The following OPHN1 variants were observed in gnomAD, a reference collection of about 807,000 sequenced individuals.
OPHN1 encodes oligophrenin 1.
Under a neutral mutation model 60.7 loss-of-function variants are expected in OPHN1, and 11 were observed. The observed-to-expected ratio is 0.18, with a 90% CI of 0.11 to 0.30. The LOEUF is 0.30. Ranked by LOEUF, OPHN1 falls within the 10% of genes least tolerant of loss-of-function variation. The pLI is 1.00. For synonymous variants in OPHN1, 226 were observed against 222.6 expected (o/e 1.02, Z -0.14); for missense variants, 449 against 611.0 (o/e 0.73, Z 2.80).
chrX:68,131,489 T>G (rs1250008437), intron 15 of OPHN1, among the ~76,000 whole-genome samples: 9 of 111,556 alleles, frequency 8.1e-5, no homozygotes. Context: ...GTGCCGGGAT[T>G]ACAGGCATAA....
chrX:68,416,110 A>ATT (rs2078797866), intron 2 of OPHN1, among the ~76,000 whole-genome samples: 1 of 91,344 alleles, frequency 1.1e-5, no homozygotes, highest in African/African-American at 4.5e-5. Flanking sequence ...AGAGAGAGAG[A>ATT]GCGCTCACTG....
At position 68,222,650 on chromosome X, in the gene OPHN1, T is replaced by C. The variant is rs759892185; in HGVS notation, c.487-8678A>G. On this transcript the variant is annotated intron_variant, in intron 6 of 24. Coordinates refer to ENST00000355520, the MANE Select transcript of OPHN1 (RefSeq NM_002547.3). ...GTAGGGACATGGATGAAATTGGAAA[T>C]CATCATTCTCAGTAAACTATCGCAA... is the stretch of plus-strand genomic sequence containing the variant. Among the ~76,000 whole-genome samples the C allele has an allele frequency of 5.1e-3, 542 of 106,783 alleles. 3 individuals carry two copies. The highest frequency in any genetic ancestry group is 0.018 in the African/African-American group (517 of 29,352). 92.7% of individuals were successfully genotyped at this position (106,783 alleles called of 115,157 possible). A position where few individuals can be genotyped will look rare whatever the true frequency, so the allele number is the denominator to read the frequency against.
intron 21 of OPHN1, among the ~76,000 whole-genome samples, chrX:68,063,531 A>T (rs5919516): frequency 9.0e-6 from 1 of 111,412 alleles, no homozygotes; most frequent in Non-Finnish European, 1.9e-5. Context: ...AAAAAAAAAA[A>T]AAAAGAAAAT....
chrX:68,047,371 T>C (rs1286494663), intron 24 of OPHN1, among the ~76,000 whole-genome samples: 1 of 111,519 alleles, frequency 9.0e-6, no homozygotes, highest in African/African-American at 3.3e-5. Context: ...GCTGGACACT[T>C]TGTGCCTTTG....
At chrX:68,154,536 T>C (rs1291817163) in intron 15 of OPHN1, among the ~76,000 whole-genome samples, 2 of 112,335 alleles carry the variant, frequency 1.8e-5, no homozygotes, top group Admixed American at 1.9e-4. Context: ...AGAATGCAAA[T>C]ACCGGGATCA....
intron 18 of OPHN1, among the ~76,000 whole-genome samples, chrX:68,106,812 T>C (rs2077083779): frequency 8.9e-6 from 1 of 111,971 alleles, no homozygotes; most frequent in Non-Finnish European, 1.9e-5. Flanking sequence ...GATAATTATG[T>C]GCATTTTAAA....
At chrX:68,052,516 T>C in intron 23 of OPHN1, 24 bp downstream of exon 23, 1 of 1,195,546 alleles carries the variant, frequency 8.4e-7, no homozygotes, top group Non-Finnish European at 1.1e-6. Context: ...ATTTGGTTTT[T>C]CTTTTGTCAC....
At chrX:68,364,229 T>G (rs1325149050) in intron 2 of OPHN1, among the ~76,000 whole-genome samples, 1 of 112,091 alleles carries the variant, frequency 8.9e-6, no homozygotes, top group Non-Finnish European at 1.9e-5. Flanking sequence ...TTCCTGTTCC[T>G]TCAGCCCAAC....
At chrX:68,231,813 C>T (rs894504575) in intron 6 of OPHN1, among the ~76,000 whole-genome samples, 1 of 111,432 alleles carries the variant, frequency 9.0e-6, no homozygotes, top group African/African-American at 3.3e-5. Flanking sequence ...GGGATAAAGT[C>T]CAGGGATGTT....
chrX:68,261,661 A>C (rs1214110359), intron 5 of OPHN1, among the ~76,000 whole-genome samples: 1 of 111,528 alleles, frequency 9.0e-6, no homozygotes, highest in Admixed American at 9.6e-5. Context: ...TGGCTGCTCA[A>C]AGAACTTTAA....
chrX:68,338,018 TTTTA>T (rs1361507012), intron 2 of OPHN1, among the ~76,000 whole-genome samples: 2 of 111,388 alleles, frequency 1.8e-5, no homozygotes, highest in East Asian at 2.8e-4. Flanking sequence ...CTTTCTTTTT[TTTTA>T]TTTATTTATT....
intron 3 of OPHN1, among the ~76,000 whole-genome samples, chrX:68,295,107 T>C (rs2078088327): frequency 8.9e-6 from 1 of 111,781 alleles, no homozygotes; most frequent in African/African-American, 3.3e-5. Flanking sequence ...AAATTCTGAT[T>C]CTTTAGGTAT....
chrX:68,172,215 AC>A (rs1424235449), intron 15 of OPHN1, among the ~76,000 whole-genome samples: 2 of 112,101 alleles, frequency 1.8e-5, no homozygotes, highest in African/African-American at 6.5e-5. Context: ...ACTACAAATA[AC>A]CCAAATGCTC....
chrX:68,141,903 T>TGAAAGAAAGAAA (rs1569224287), intron 15 of OPHN1, among the ~76,000 whole-genome samples: 3 of 75,353 alleles, frequency 4.0e-5, no homozygotes, highest in African/African-American at 1.0e-4. Context: ...GTGATGTTAA[T>TGAAAGAAAGAAA]TAAAGAAAGA....
intron 20 of OPHN1, among the ~76,000 whole-genome samples, chrX:68,065,464 T>C (rs1294158944): frequency 1.8e-5 from 2 of 111,651 alleles, no homozygotes; most frequent in Non-Finnish European, 3.8e-5. Context: ...TAAGACTTGA[T>C]ATATGTTTTT....
intron 5 of OPHN1, 149 bp downstream of exon 5, chrX:68,274,589 A>G: frequency 2.5e-6 from 1 of 400,108 alleles, no homozygotes; most frequent in Non-Finnish European, 4.5e-6. Flanking sequence ...TAAACAACAA[A>G]CATTTATTTT....
chrX:68,129,849 C>G (rs886268073), intron 15 of OPHN1, among the ~76,000 whole-genome samples: 1 of 111,931 alleles, frequency 8.9e-6, no homozygotes, highest in Non-Finnish European at 1.9e-5. Flanking sequence ...TAACAGAAAG[C>G]GTGAGCAGAA....
chrX:68,375,576 C>T (rs868694267), intron 2 of OPHN1, among the ~76,000 whole-genome samples: 3 of 111,020 alleles, frequency 2.7e-5, no homozygotes, highest in African/African-American at 3.3e-5. Context: ...GAACTGTCTC[C>T]GCTTTTTCTT....
chrX:68,433,729 A>C (rs903299734), upstream of OPHN1: 4 of 295,999 alleles, frequency 1.4e-5, no homozygotes, highest in African/African-American at 2.7e-5. Context: ...GGAAGGGTTA[A>C]GCCAGGGCGG....
Sources: gnomAD v4.1 joint callset for allele counts (sites outside exome capture counted in the v4.1 genomes callset) on GRCh38, gnomAD v4.1.1 for gene constraint, MANE v1.5 for transcripts, NCBI Gene and HGNC (gene_info 2026-07-23, HGNC 2026-07-21) for gene names.